The following FTSJ3 variants were observed in gnomAD, a reference collection of about 807,000 sequenced individuals.
FTSJ3 encodes the protein FtsJ RNA 2'-O-methyltransferase 3, also known as pre-rRNA 2'-O-ribose RNA methyltransferase FTSJ3.
In FTSJ3, 46 loss-of-function variants were observed where a neutral mutation model predicts 111.5. The observed-to-expected ratio is 0.41, with a 90% CI of 0.33 to 0.53. The LOEUF is 0.53. Among genes scored for constraint, FTSJ3 ranks in the 20% least tolerant of loss-of-function variants. FTSJ3 has a pLI of 0.19. For missense variants in FTSJ3, 1,075 were observed against 1,063.8 expected (o/e 1.01, Z -0.15); for synonymous variants, 408 against 383.0 (o/e 1.07, Z -0.76).
rs74385714 is a variant in FTSJ3, at chr17:63,827,196, C to T, written c.-171G>A. 4,371 of 604,796 alleles carry T rather than the reference C, an allele frequency of 7.2e-3. 26 individuals carry two copies. Among genetic ancestry groups the T allele is most frequent in the Non-Finnish European group, 0.011 (3,635 of 341,666 alleles). 37.5% of individuals were successfully genotyped at this position (604,796 alleles called of 1,614,324 possible). The stretch of plus-strand genomic sequence containing the variant: ...CCCTAGATTGTTCTCAATACTCTGT[C>T]CTTGGGTTTTGTAAGTTGAAAGTTG... On this transcript the variant is annotated 5_prime_UTR_variant, in exon 1 of 21. Transcript: ENST00000427159.
chr17:63,825,714 G>T, intron 5 of FTSJ3, 79 bp from the exon 6 acceptor site: 1 of 1,314,058 alleles, frequency 7.6e-7, no homozygotes. Context: ...CTAGTCATTT[G>T]CTGAGTGCCC....
Position 63,819,876 on chromosome 17 carries a change from C to G in FTSJ3, c.2470G>C (p.Val824Leu), listed in dbSNP as rs763299454. ...TGGTCCTTCTTCATCCTTGAGTCCA[C>G]CACCTTGAAATGACCTCTGACTCCA... is the stretch of plus-strand genomic sequence containing the variant. ...PAGVRGHFKV[V>L]DSRMKKDQRA... is the part of the protein sequence containing the mutation. The change falls in exon 21 of 21, where the codon GTG (valine) becomes CTG (leucine). Residue 824 changes from valine to leucine, a missense_variant. This residue lies in a region of FTSJ3 where 867 missense variants were observed against 796.9 expected (regional missense o/e 1.09). Transcript: ENST00000427159. 4.3e-5 allele frequency: 69 copies of G among 1,614,068 alleles called. No individual in the cohort carries two copies. Among genetic ancestry groups the G allele is most frequent in the Middle Eastern group, 1.6e-4 (1 of 6,084 alleles).
intron 6 of FTSJ3, 38 bp downstream of exon 6, chr17:63,825,498 C>T (rs375885189): frequency 3.3e-4 from 527 of 1,608,800 alleles, no homozygotes; most frequent in Middle Eastern, 9.9e-4. Flanking sequence ...CGCCCACCTC[C>T]ACCATCACCT....
Position 63,824,916 on chromosome 17 carries a change from G to C in FTSJ3, c.725C>G (p.Ala242Gly), listed in dbSNP as rs1432606977. Residue 242 changes from alanine to glycine, a missense_variant, in exon 9 of 21, where the codon GCT becomes GGT. By Grantham distance (60) the Ala-to-Gly change is moderately conservative. Transcript: ENST00000427159. ...GTGATAGAGAGTGAGGTCACCCTCA[G>C]CATAGCCTTCAGCCTTAGGAAGGAA... ...TKKKPKAEGY[A>G]EGDLTLYHRT... 6.3e-7 allele frequency: 1 copy of C among 1,585,330 alleles called. No homozygotes were observed. The highest frequency in any genetic ancestry group is 8.6e-7 in the Non-Finnish European group (1 of 1,164,910).
intron 13 of FTSJ3, among the ~76,000 whole-genome samples, chr17:63,822,994 A>C (rs1006050522): frequency 1.3e-5 from 2 of 152,124 alleles, no homozygotes; most frequent in Non-Finnish European, 2.9e-5. Flanking sequence ...AGGAAACCTG[A>C]GCCTGTGTCT....
intron 16 of FTSJ3, 59 bp from the exon 17 acceptor site, chr17:63,821,174 C>T (rs2040047635): frequency 1.3e-5 from 21 of 1,587,208 alleles, no homozygotes; most frequent in Non-Finnish European, 1.7e-5. Flanking sequence ...AGACCGCACT[C>T]CCACGGAATT....
intron 18 of FTSJ3, 146 bp downstream of exon 18, chr17:63,820,693 C>G (rs2040040811): frequency 1.6e-6 from 1 of 630,454 alleles, no homozygotes; most frequent in Non-Finnish European, 2.7e-6. Flanking sequence ...TCAAGCGATT[C>G]AAGGAGAATC....
At position 63,826,676 on chromosome 17, in the gene FTSJ3, G is replaced by A; in HGVS notation, c.68-4C>T. 1 of 1,612,524 alleles carries A rather than the reference G, an allele frequency of 6.2e-7. No individual in the cohort carries two copies. Among genetic ancestry groups the A allele is most frequent in the Non-Finnish European group, 8.5e-7 (1 of 1,178,754 alleles). ...AAAGCAGATCGGGAACGGTAACCTG[G>A]ACAAAACAACCAAGTGCGCAAACTG... On this transcript the variant is annotated splice_region_variant and splice_polypyrimidine_tract_variant and intron_variant, in intron 2 of 20. Coordinates refer to ENST00000427159, the MANE Select transcript of FTSJ3 (RefSeq NM_017647.4).
Position 63,820,367 on chromosome 17 carries a change from C to A in FTSJ3, c.2144G>T (p.Arg715Leu). ...FVQEEKQHRI[R>L]QLPVGKKEVE... ...CTCCTTCTTACCAACAGGCAACTGTCGTATCCGGTGCTGCTTTTCCTCTTG... is the reference window on the plus strand; with the variant it reads ...CTCCTTCTTACCAACAGGCAACTGTAGTATCCGGTGCTGCTTTTCCTCTTG... The change falls in exon 19 of 21, where the codon CGA (arginine) becomes CTA (leucine). Residue 715 changes from arginine to leucine, a missense_variant. Coordinates refer to ENST00000427159, the MANE Select transcript of FTSJ3 (RefSeq NM_017647.4). 1 of 1,614,180 alleles carries A rather than the reference C, an allele frequency of 6.2e-7. No homozygotes were observed. Among genetic ancestry groups the A allele is most frequent in the South Asian group, 1.1e-5 (1 of 91,070 alleles).
Position 63,824,093 on chromosome 17 carries a change from T to G in FTSJ3, c.1145A>C (p.Glu382Ala), listed in dbSNP as rs2040074835. The G allele has an allele frequency of 4.3e-6, 7 of 1,614,126 alleles. No homozygotes were observed. The highest frequency in any genetic ancestry group is 4.2e-6 in the Non-Finnish European group (5 of 1,180,030). Residue 382 changes from glutamate to alanine, a missense_variant, in exon 12 of 21, where the codon GAA becomes GCA. Glu to Ala is a moderately radical substitution (Grantham distance 107). This residue lies in a region of FTSJ3 where 867 missense variants were observed against 796.9 expected (regional missense o/e 1.09). Transcript: ENST00000427159. Reference protein sequence around the residue: ...LAEMKAQEVAELKRKKKKLLR... With the variant: ...LAEMKAQEVAALKRKKKKLLR... ...CCCCAGCTCCTTTCACCTCTTCAAT[T>G]CCGCCACCTCCTGGGCCTTCATTTC...
In FTSJ3 at chr17:63,821,358, CTT is replaced by C; in HGVS notation, c.1880_1881del (p.Glu627GlyfsTer9). The C allele has an allele frequency of 6.2e-7, 1 of 1,604,512 alleles. No homozygotes were observed. The highest frequency in any genetic ancestry group is 8.5e-7 in the Non-Finnish European group (1 of 1,174,816). ...CTCTCAGCTGCAACTACTCACCTCT[CTT>C]CTTCCTCACTGCTAGTACTGCTATC... ...DSDSSTSSEE[E>X]ESWEPLRGKK... On this transcript the variant is annotated frameshift_variant, in exon 16 of 21. Transcript: ENST00000427159. LOFTEE classifies it high-confidence loss of function.
Position 63,821,541 on chromosome 17 carries a change from TCTGCTGCTG to T in FTSJ3, c.1690_1698del (p.Gln564_Gln566del), listed in dbSNP as rs769173049. ...GGGGGTGTCTGTGGCAGCTGCTGCT[TCTGCTGCTG>T]CTGCCGTCCCTTCCGCCGGTTCTCA... On this transcript the variant is annotated inframe_deletion, in exon 16 of 21. Transcript: ENST00000427159. 6.2e-7 allele frequency: 1 copy of T among 1,614,002 alleles called. No individual in the cohort carries two copies. Among genetic ancestry groups the T allele is most frequent in the Non-Finnish European group, 8.5e-7 (1 of 1,179,986 alleles).
rs1332298794 is a variant in FTSJ3, at chr17:63,825,623, C to G, written c.313G>C (p.Glu105Gln). Residue 105 changes from glutamate to glutamine, a missense_variant, in exon 6 of 21, where the codon GAG becomes CAG. Transcript: ENST00000427159. ...ACATCAACCTTCCAGGTCTTCAGCT[C>G]CTTCCTCAGGGCCTAAAGAGAAGAA... is the stretch of plus-strand genomic sequence containing the variant. Reference protein sequence around the residue: ...TERCRQALRKELKTWKVDVVL... With the variant: ...TERCRQALRKQLKTWKVDVVL... The G allele has an allele frequency of 4.3e-6, 7 of 1,613,864 alleles. No homozygotes were observed. The Admixed American group carries it at 1.0e-4, about 23-fold the overall frequency.
In FTSJ3 at chr17:63,821,361, C is replaced by T; in HGVS notation, c.1879G>A (p.Glu627Lys). 2 of 1,605,328 alleles carry T rather than the reference C, an allele frequency of 1.2e-6. No individual in the cohort carries two copies. The highest frequency in any genetic ancestry group is 1.7e-6 in the Non-Finnish European group (2 of 1,175,254). Residue 627 changes from glutamate (E) to lysine (K), a missense_variant, in exon 16 of 21, where the codon GAA becomes AAA. Around this residue, in one of 2 missense-constraint regions of FTSJ3, gnomAD observed 867 missense variants for 796.9 expected, o/e 1.09. Coordinates refer to ENST00000427159, the MANE Select transcript of FTSJ3 (RefSeq NM_017647.4). ...TCAGCTGCAACTACTCACCTCTCTT[C>T]TTCCTCACTGCTAGTACTGCTATCA... ...DSDSSTSSEE[E>K]ESWEPLRGKK... is the part of the protein sequence containing the mutation.
At chr17:63,826,791 C>A in intron 2 of FTSJ3, 45 bp downstream of exon 2, 1 of 1,600,092 alleles carries the variant, frequency 6.2e-7, no homozygotes, top group Non-Finnish European at 8.6e-7. Flanking sequence ...GCGAACCGGG[C>A]AGAGATCGCT....
At chr17:63,825,972 A>G in intron 5 of FTSJ3, 84 bp downstream of exon 5, 1 of 1,194,228 alleles carries the variant, frequency 8.4e-7, no homozygotes. Context: ...AAGCACGGTA[A>G]AAAGGAAAAA....
In FTSJ3 at chr17:63,826,253, C is replaced by T; in HGVS notation, c.220+5G>A. On this transcript the variant is annotated splice_donor_5th_base_variant and intron_variant, in intron 4 of 20. Transcript: ENST00000427159. ...AAACACCAAGGAGAGCTGTCCGTTA[C>T]TCACCCACAATAAGGCTGGATACAG... 6.2e-7 allele frequency: 1 copy of T among 1,613,984 alleles called. No individual in the cohort carries two copies. The highest frequency in any genetic ancestry group is 8.5e-7 in the Non-Finnish European group (1 of 1,179,868).
In FTSJ3 at chr17:63,824,935, GA is replaced by G. The variant is rs2040084093; in HGVS notation, c.712-7del. On this transcript the variant is annotated splice_polypyrimidine_tract_variant and splice_region_variant and intron_variant, in intron 8 of 20. Coordinates refer to ENST00000427159, the MANE Select transcript of FTSJ3 (RefSeq NM_017647.4). Reference sequence around the variant, plus strand: ...CCCTCAGCATAGCCTTCAGCCTTAGGAAGGAAAAGAGAGAAGCTTGGTCAGG... The same window carrying G: ...CCCTCAGCATAGCCTTCAGCCTTAGGAGGAAAAGAGAGAAGCTTGGTCAGG... 1 of 1,578,010 alleles carries G rather than the reference GA, an allele frequency of 6.3e-7. No homozygotes were observed. Among genetic ancestry groups the G allele is most frequent in the Admixed American group, 1.8e-5 (1 of 55,146 alleles).
In FTSJ3 at chr17:63,827,482, A is replaced by G; in HGVS notation, c.-457T>C. On this transcript the variant is annotated 5_prime_UTR_variant, in exon 1 of 21. Coordinates refer to ENST00000427159, the MANE Select transcript of FTSJ3 (RefSeq NM_017647.4). ...CTCGGATGCCGGCGGTCTCTGCTGA[A>G]GAGAGAAGATGGCGCTTGACGGACC... 1 of 1,551,720 alleles carries G rather than the reference A, an allele frequency of 6.4e-7. No homozygotes were observed. The highest frequency in any genetic ancestry group is 1.4e-5 in the African/African-American group (1 of 73,176).
Sources: allele counts gnomAD v4.1 joint callset (sites outside exome capture counted in the v4.1 genomes callset), GRCh38; gene constraint gnomAD v4.1.1; regional missense constraint gnomAD v4.1.1; transcripts MANE v1.5; gene names NCBI Gene and HGNC (gene_info 2026-07-23, HGNC 2026-07-21).